Variants in ADGRL3 observed in about 807,000 individuals in gnomAD.
ADGRL3 encodes the protein calcium-independent alpha-latrotoxin receptor 3.
ADGRL3 carries 62 observed loss-of-function variants against 153.5 expected under a neutral mutation model. That is an observed-to-expected ratio of 0.40 (90% CI 0.33 to 0.50). The LOEUF is 0.50. Ranked by LOEUF, ADGRL3 falls within the 20% of genes least tolerant of loss-of-function variation. The probability of loss-of-function intolerance (pLI) is 0.47; values close to 1 mark genes in which losing one functional copy is unlikely to be tolerated. For synonymous variants in ADGRL3, 710 were observed against 672.5 expected (o/e 1.06, Z -0.86); for missense variants, 1,641 against 1,859.4 (o/e 0.88, Z 2.16).
intron 11 of ADGRL3, among the ~76,000 whole-genome samples, chr4:61,904,701 C>T (rs969134586): frequency 6.6e-6 from 1 of 150,832 alleles, no homozygotes; most frequent in Non-Finnish European, 1.5e-5. Flanking sequence ...AATGGAATTA[C>T]AATATGAAAA....
chr4:61,745,729 C>A (rs2096648662), intron 8 of ADGRL3, among the ~76,000 whole-genome samples: 3 of 152,204 alleles, frequency 2.0e-5, no homozygotes, highest in Admixed American at 6.5e-5. Flanking sequence ...TGGAAAGGAA[C>A]AACTGGTACC....
At chr4:61,422,865 G>A (rs1019933479) in intron 2 of ADGRL3, among the ~76,000 whole-genome samples, 4 of 151,820 alleles carry the variant, frequency 2.6e-5, no homozygotes, top group South Asian at 4.1e-4. Flanking sequence ...ATATGTATGT[G>A]TACATATAAA....
intron 13 of ADGRL3, among the ~76,000 whole-genome samples, chr4:61,930,449 A>G (rs1276750971): frequency 6.6e-6 from 1 of 152,208 alleles, no homozygotes; most frequent in Non-Finnish European, 1.5e-5. Context: ...AATAATGACA[A>G]AAGTTGTCAT....
At chr4:62,062,689 A>G (rs2151873149) in intron 25 of ADGRL3, among the ~76,000 whole-genome samples, 2 of 152,218 alleles carry the variant, frequency 1.3e-5, no homozygotes, top group South Asian at 4.1e-4. Context: ...CTAAGAACAA[A>G]AAGTATTAAC....
In ADGRL3 at chr4:62,070,241, A is replaced by T. The variant is rs1200566697; in HGVS notation, c.3965A>T (p.Tyr1322Phe). The change falls in exon 27 of 27, where the codon TAT (tyrosine) becomes TTT (phenylalanine). Residue 1322 changes from tyrosine to phenylalanine, a missense_variant. Tyr to Phe is a conservative substitution (Grantham distance 22, BLOSUM62 3). This residue lies in a region of ADGRL3 where 517 missense variants were observed against 555.0 expected (regional missense o/e 0.93). Coordinates refer to ENST00000683033, the MANE Select transcript of ADGRL3 (RefSeq NM_001387552.1). ...TGTGTGCAAATCATAGACCGTGGCTATAACCATAACGAGACCGCCCTAGAG... is the reference window on the plus strand; with the variant it reads ...TGTGTGCAAATCATAGACCGTGGCTTTAACCATAACGAGACCGCCCTAGAG... ...SNCVQIIDRG[Y>F]NHNETALEKK... 1 of 1,613,216 alleles carries T rather than the reference A, an allele frequency of 6.2e-7. No individual in the cohort carries two copies. The highest frequency in any genetic ancestry group is 1.1e-5 in the South Asian group (1 of 91,016).
intron 2 of ADGRL3, among the ~76,000 whole-genome samples, chr4:61,488,846 C>CT (rs1396481651): frequency 2.0e-5 from 3 of 151,932 alleles, no homozygotes; most frequent in Non-Finnish European, 4.4e-5. Flanking sequence ...AGGTATTTTT[C>CT]TTTTCTCTCC....
intron 1 of ADGRL3, among the ~76,000 whole-genome samples, chr4:61,210,487 C>T (rs1404124132): frequency 6.6e-6 from 1 of 152,050 alleles, no homozygotes. Context: ...ATTCCATTGA[C>T]GCTGACCCTG....
chr4:61,857,191 A>G (rs1232388949), intron 9 of ADGRL3, among the ~76,000 whole-genome samples: 1 of 151,218 alleles, frequency 6.6e-6, no homozygotes, highest in Non-Finnish European at 1.5e-5. Flanking sequence ...CACAGCCTCC[A>G]AAAGTACTGG....
rs112061613 is a variant in ADGRL3 at position 62,075,716 on chromosome 4, A to G, written c.*4808A>G. ...GATGGCACAAAAGCAAAGCAGCAAC[A>G]TTGCACAATAGCTTATGGAAGCATT... On this transcript the variant is annotated 3_prime_UTR_variant, in exon 27 of 27. Transcript: ENST00000683033. 6 of 152,322 alleles carry G rather than the reference A, an allele frequency of 3.9e-5. No individual in the cohort carries two copies. The highest frequency in any genetic ancestry group is 1.2e-4 in the African/African-American group (5 of 41,576). The allele number at this position is 152,322 out of a possible 1,614,324, so 9.4% of individuals were successfully genotyped here. A position where few individuals can be genotyped will look rare whatever the true frequency, so the allele number is the denominator to read the frequency against.
chr4:61,279,669 A>T (rs1438761411), intron 1 of ADGRL3, among the ~76,000 whole-genome samples: 1 of 152,134 alleles, frequency 6.6e-6, no homozygotes, highest in South Asian at 2.1e-4. Context: ...TTACTTTTCC[A>T]TTTGAGGACT....
At chr4:61,323,882 C>T (rs1042304742) in intron 1 of ADGRL3, among the ~76,000 whole-genome samples, 21 of 152,182 alleles carry the variant, frequency 1.4e-4, no homozygotes, top group African/African-American at 5.1e-4. Context: ...TACCAATTTA[C>T]TGTATAGTCT....
chr4:61,951,860 G>C (rs2098948474), intron 17 of ADGRL3, among the ~76,000 whole-genome samples: 1 of 152,122 alleles, frequency 6.6e-6, no homozygotes, highest in Non-Finnish European at 1.5e-5. Flanking sequence ...GCAAGACTGT[G>C]TCACAAACAA....
chr4:61,568,241 G>A (rs1026866363), intron 4 of ADGRL3, among the ~76,000 whole-genome samples: 1 of 151,734 alleles, frequency 6.6e-6, no homozygotes, highest in African/African-American at 2.4e-5. Flanking sequence ...CATTTTTAAG[G>A]CTTCTCCAGC....
intron 1 of ADGRL3, among the ~76,000 whole-genome samples, chr4:61,368,692 A>G (rs1213204786): frequency 6.6e-6 from 1 of 151,912 alleles, no homozygotes; most frequent in African/African-American, 2.4e-5. Flanking sequence ...TTTTGGCTTA[A>G]GATTGACTTG....
At chr4:62,010,202 G>A (rs1329110841) in intron 21 of ADGRL3, among the ~76,000 whole-genome samples, 1 of 152,066 alleles carries the variant, frequency 6.6e-6, no homozygotes, top group Admixed American at 6.6e-5. Flanking sequence ...GATTGTGCAG[G>A]AGGGGAGAGG....
chr4:61,761,490 T>C (rs748109950), intron 8 of ADGRL3, among the ~76,000 whole-genome samples: 5 of 152,156 alleles, frequency 3.3e-5, no homozygotes, highest in Non-Finnish European at 5.9e-5. Context: ...AGTCAAAGCA[T>C]ATGATCTTAT....
At chr4:61,922,713 A>T (rs2098775524) in intron 13 of ADGRL3, among the ~76,000 whole-genome samples, 1 of 152,178 alleles carries the variant, frequency 6.6e-6, no homozygotes, top group Non-Finnish European at 1.5e-5. Context: ...TCATTCATTC[A>T]ATCAGGCAGT....
intron 2 of ADGRL3, among the ~76,000 whole-genome samples, chr4:61,475,916 C>A (rs566119443): frequency 6.6e-5 from 10 of 152,164 alleles, no homozygotes; most frequent in African/African-American, 2.4e-4. Context: ...CAATCTTATG[C>A]AAGCATTTTA....
chr4:61,799,794 TG>T (rs560544235), intron 8 of ADGRL3, among the ~76,000 whole-genome samples: 254 of 152,276 alleles, frequency 1.7e-3, no homozygotes, highest in African/African-American at 5.8e-3. Context: ...GAGATAGTGA[TG>T]ATACAGGCAA....
Sources: allele counts gnomAD v4.1 joint callset (sites outside exome capture counted in the v4.1 genomes callset), GRCh38; gene constraint gnomAD v4.1.1; regional missense constraint gnomAD v4.1.1; transcripts MANE v1.5; gene names NCBI Gene and HGNC (gene_info 2026-07-23, HGNC 2026-07-21).